The following TBX19 variants were observed in gnomAD, a reference collection of about 807,000 sequenced individuals.
TBX19 encodes the protein T-box transcription factor TBX19.
TBX19 carries 33 observed loss-of-function variants against 40.9 expected under a neutral mutation model. The ratio of observed to expected loss-of-function variants is 0.81; its 90% CI spans 0.61 to 1.08. The LOEUF (loss-of-function observed/expected upper bound fraction) is 1.08. Ranked by LOEUF, TBX19 falls within the 50% of genes least tolerant of loss-of-function variation. The pLI is 0.00. For missense variants in TBX19, 494 were observed against 574.0 expected, an observed-to-expected ratio of 0.86 and a Z score of 1.42; for synonymous variants, 220 against 225.0, an observed-to-expected ratio of 0.98 and a Z score of 0.20.
chr1:168,302,858 CT>C (rs930601528), intron 5 of TBX19, among the ~76,000 whole-genome samples: 2 of 152,028 alleles, frequency 1.3e-5, no homozygotes, highest in African/African-American at 4.8e-5. Flanking sequence ...AATAGAGAGG[CT>C]TTCACTCTTC....
At chr1:168,297,284 G>A (rs550230255) in intron 3 of TBX19, among the ~76,000 whole-genome samples, 20 of 152,324 alleles carry the variant, frequency 1.3e-4, no homozygotes, top group Admixed American at 9.2e-4. Context: ...AGAGGGGCAG[G>A]ATCACACCTG....
intron 1 of TBX19, among the ~76,000 whole-genome samples, chr1:168,282,947 A>T (rs1400423764): frequency 1.3e-5 from 2 of 152,260 alleles, no homozygotes; most frequent in African/African-American, 4.8e-5. Context: ...GATAAATTCC[A>T]ATTTAATAAT....
At chr1:168,304,743 A>C (rs949137510) in intron 5 of TBX19, among the ~76,000 whole-genome samples, 1 of 152,226 alleles carries the variant, frequency 6.6e-6, no homozygotes, top group Non-Finnish European at 1.5e-5. Flanking sequence ...AGAAGTCTTC[A>C]ACTGCCAAAA....
At chr1:168,310,765 A>G (rs1317152528) in intron 7 of TBX19, among the ~76,000 whole-genome samples, 1 of 146,290 alleles carries the variant, frequency 6.8e-6, no homozygotes, top group African/African-American at 2.5e-5. Context: ...GATAATATAT[A>G]TTTTAATATA....
At chr1:168,285,176 G>A (rs1055638971) in intron 1 of TBX19, among the ~76,000 whole-genome samples, 10 of 150,878 alleles carry the variant, frequency 6.6e-5, no homozygotes, top group South Asian at 2.1e-4. Flanking sequence ...TTTTCCCTTC[G>A]TTTATTTATC....
Position 168,280,951 on chromosome 1 carries a change from C to T in TBX19, c.-140C>T, listed in dbSNP as rs1027280708. 7.4e-5 allele frequency: 59 copies of T among 800,290 alleles called. No homozygotes were observed. The highest frequency in any genetic ancestry group is 6.8e-4 in the Middle Eastern group (2 of 2,936). The allele number at this position is 800,290 out of a possible 1,614,324, so 49.6% of individuals were successfully genotyped here. ...CTTTTAAGGGGTGTCATCCTAGGAG[C>T]TTAGGCAAGAGCCAGGGTATCTTCT... On this transcript the variant is annotated 5_prime_UTR_variant, in exon 1 of 8. Transcript: ENST00000367821.
intron 1 of TBX19, among the ~76,000 whole-genome samples, chr1:168,283,429 A>G (rs1413617373): frequency 6.6e-6 from 1 of 152,236 alleles, no homozygotes; most frequent in African/African-American, 2.4e-5. Flanking sequence ...CAAGTCCATA[A>G]GAAATTGATG....
rs1026381819 is a variant in TBX19, at chr1:168,308,817, C to T, written c.992C>T (p.Thr331Ile). The T allele has an allele frequency of 6.8e-6, 11 of 1,614,164 alleles. No homozygotes were observed. Among genetic ancestry groups the T allele is most frequent in the Non-Finnish European group, 7.6e-6 (9 of 1,180,028 alleles). The change falls in exon 7 of 8, where the codon ACA (threonine) becomes ATA (isoleucine). Residue 331 changes from threonine (T) to isoleucine (I), a missense_variant. Physicochemically the swap from Thr to Ile is moderately conservative, Grantham distance 89 (BLOSUM62 -1). Transcript: ENST00000367821. Reference protein sequence around the residue: ...GPDSWTSLSSTPHASILSVPH... With the variant: ...GPDSWTSLSSIPHASILSVPH... ...GACAGCTGGACTTCCTTATCCTCCA[C>T]ACCCCATGCCAGCATCCTGTCTGTA...
chr1:168,290,558 C>A (rs1445507282), intron 1 of TBX19, among the ~76,000 whole-genome samples: 1 of 152,140 alleles, frequency 6.6e-6, no homozygotes, highest in Admixed American at 6.5e-5. Flanking sequence ...TAACCCTGTT[C>A]TTGTTTTTTT....
intron 1 of TBX19, among the ~76,000 whole-genome samples, chr1:168,287,598 C>T (rs1648835228): frequency 6.6e-6 from 1 of 151,534 alleles, no homozygotes; most frequent in African/African-American, 2.4e-5. Context: ...CACACCCAGC[C>T]CCAAATGATC....
At position 168,305,107 on chromosome 1, in the gene TBX19, A is replaced by G. The variant is rs1490761036; in HGVS notation, c.827A>G (p.His276Arg). Residue 276 changes from histidine to arginine, a missense_variant, in exon 6 of 8, where the codon CAC becomes CGC. Coordinates refer to ENST00000367821, the MANE Select transcript of TBX19 (RefSeq NM_005149.3). ...CTGCCTCTGCCTGCTCCCCACACCC[A>G]CCATGGCTGTGAGCACTATTCGGGT... Reference protein sequence around the residue: ...APLPLPAPHTHHGCEHYSGLR... With the variant: ...APLPLPAPHTRHGCEHYSGLR... 6.2e-7 allele frequency: 1 copy of G among 1,613,974 alleles called. No individual in the cohort carries two copies. Among genetic ancestry groups the G allele is most frequent in the Non-Finnish European group, 8.5e-7 (1 of 1,180,026 alleles).
chr1:168,302,711 A>G (rs1424451355), intron 5 of TBX19, among the ~76,000 whole-genome samples: 2 of 152,112 alleles, frequency 1.3e-5, no homozygotes, highest in Non-Finnish European at 2.9e-5. Flanking sequence ...AAAACCCCAA[A>G]ATGCTTGCTG....
rs200287419 is a variant in TBX19 at position 168,294,415 on chromosome 1, C to A, written c.603+1137C>A. Among the ~76,000 whole-genome samples, 13 of 152,050 alleles carry A rather than the reference C, an allele frequency of 8.5e-5. No homozygotes were observed. In the East Asian group the frequency reaches 2.5e-3, roughly 29 times the overall value. On this transcript the variant is annotated intron_variant, in intron 3 of 7. Transcript: ENST00000367821. ...ATGGTGTGATCTCAGCTCACTGCAA[C>A]CTCTGCCTCCTAGGTTCAAGCGATT...
rs1435328081 is a variant in TBX19 at position 168,300,490 on chromosome 1, TG to T, written c.727+10del. On this transcript the variant is annotated splice_region_variant and intron_variant, in intron 5 of 7. Coordinates refer to ENST00000367821, the MANE Select transcript of TBX19 (RefSeq NM_005149.3). The stretch of plus-strand genomic sequence containing the variant: ...CATGTGACCTATTCTCACTGTGAGT[TG>T]GGTGTACATGAGGCGGGAGGTGCGT... 6.2e-7 allele frequency: 1 copy of T among 1,613,984 alleles called. No individual in the cohort carries two copies. Among genetic ancestry groups the T allele is most frequent in the Non-Finnish European group, 8.5e-7 (1 of 1,179,946 alleles).
intron 4 of TBX19, among the ~76,000 whole-genome samples, chr1:168,299,373 A>G (rs1260804658): frequency 2.0e-5 from 3 of 152,182 alleles, no homozygotes; most frequent in African/African-American, 7.2e-5. Flanking sequence ...ATAACTGTCT[A>G]ATCTTTCCTG....
intron 6 of TBX19, among the ~76,000 whole-genome samples, chr1:168,307,836 C>A (rs931629748): frequency 1.3e-5 from 2 of 152,100 alleles, no homozygotes; most frequent in African/African-American, 4.8e-5. Context: ...ATTAACATGT[C>A]CATCTCCTCA....
chr1:168,283,435 T>C (rs1036611469), intron 1 of TBX19, among the ~76,000 whole-genome samples: 3 of 152,202 alleles, frequency 2.0e-5, no homozygotes, highest in Admixed American at 1.3e-4. Flanking sequence ...CATAAGAAAT[T>C]GATGTACTTA....
chr1:168,298,826 T>TC (rs1405724459), intron 4 of TBX19, among the ~76,000 whole-genome samples: 3,078 of 24,218 alleles, frequency 0.13, 920 homozygotes, highest in Middle Eastern at 0.19. Flanking sequence ...TCCCTTCCTT[T>TC]CTTTCTTTCT....
intron 7 of TBX19, among the ~76,000 whole-genome samples, chr1:168,311,155 G>C (rs935301167): frequency 6.6e-6 from 1 of 151,818 alleles, no homozygotes; most frequent in Non-Finnish European, 1.5e-5. Flanking sequence ...GAAAGAGAGT[G>C]AAGATGAGGT....
Sources: allele counts gnomAD v4.1 joint callset (sites outside exome capture counted in the v4.1 genomes callset), GRCh38; gene constraint gnomAD v4.1.1; transcripts MANE v1.5; gene names NCBI Gene and HGNC (gene_info 2026-07-23, HGNC 2026-07-21).